The following SPACA6 variants were observed in gnomAD, a reference collection of about 807,000 sequenced individuals.
SPACA6 encodes the protein sperm acrosome associated 6.
For synonymous variants in SPACA6, 6 were observed against 1.5 expected (o/e 4.05, Z -2.21); for missense variants, 8 against 2.8 (o/e 2.88, Z -1.34).
In SPACA6 at chr19:51,704,439, C is replaced by T. The variant is rs1279676746; in HGVS notation, c.900C>T (p.Val300=). ...CCAGCAATCTGTTCCTGCTTGCAGT[C>T]CTCGGGGCCCTCGCATCAGCGAGTG... ...LTPSNLFLLA[V]LGALASASAT... The change falls in exon 8 of 9, where the codon GTC becomes GTT. Residue 300 remains valine, a synonymous_variant. Coordinates refer to ENST00000637797, the MANE Select transcript of SPACA6 (RefSeq NM_001316972.2). 2.5e-6 allele frequency: 1 copy of T among 401,274 alleles called. No individual in the cohort carries two copies. 24.9% of individuals were successfully genotyped at this position (401,274 alleles called of 1,614,324 possible).
chr19:51,693,748 G>C lies in SPACA6; in HGVS notation c.214+8G>C. On this transcript the variant is annotated splice_region_variant and intron_variant, in intron 1 of 8. Transcript: ENST00000637797. ...TCTCTGACACCGAAATCAGTGAGGAGACCATCCACACTTCATCAGTGTCCT... is the reference window on the plus strand; with the variant it reads ...TCTCTGACACCGAAATCAGTGAGGACACCATCCACACTTCATCAGTGTCCT... 2.5e-6 allele frequency: 1 copy of C among 407,398 alleles called. No individual in the cohort carries two copies. The highest frequency in any genetic ancestry group is 4.4e-6 in the Non-Finnish European group (1 of 229,822). The allele number at this position is 407,398 out of a possible 1,614,324, so 25.2% of individuals were successfully genotyped here.
chr19:51,685,347 G>A (rs1367216119), upstream of SPACA6: 1 of 152,152 alleles, frequency 6.6e-6, no homozygotes, highest in Non-Finnish European at 1.5e-5. Flanking sequence ...CAAAATACTT[G>A]AGACAGAAAG....
chr19:51,687,081 G>A (rs1829549369), upstream of SPACA6: 1 of 152,066 alleles, frequency 6.6e-6, no homozygotes, highest in Non-Finnish European at 1.5e-5. Flanking sequence ...AGCAAACGTG[G>A]CAAAACCCCA....
chr19:51,698,754 G>A (rs1010829162), intron 2 of SPACA6, among the ~76,000 whole-genome samples: 1 of 152,154 alleles, frequency 6.6e-6, no homozygotes, highest in Admixed American at 6.5e-5. Flanking sequence ...CACAGAGGAC[G>A]CTTTCCCCTG....
At chr19:51,706,472 A>G (rs982645475), downstream of SPACA6, among the ~76,000 whole-genome samples, 2 of 152,088 alleles carry the variant, frequency 1.3e-5, no homozygotes, top group Non-Finnish European at 2.9e-5. Flanking sequence ...TCCCTGGAAC[A>G]TGCAAGTCTC....
upstream of SPACA6, among the ~76,000 whole-genome samples, chr19:51,690,920 CG>C (rs1305523443): frequency 1.4e-5 from 2 of 141,186 alleles, no homozygotes; most frequent in Non-Finnish European, 3.1e-5. Context: ...GGGGTGGGGG[CG>C]GGGGCAGCCT....
downstream of SPACA6, among the ~76,000 whole-genome samples, chr19:51,708,249 G>A (rs1374922522): frequency 1.3e-5 from 2 of 152,074 alleles, no homozygotes; most frequent in South Asian, 2.1e-4. Flanking sequence ...TATGTAAGAC[G>A]CTTCTGTTGC....
upstream of SPACA6, chr19:51,693,165 C>T: frequency 2.1e-6 from 1 of 467,322 alleles, no homozygotes; most frequent in Non-Finnish European, 4.3e-6. Context: ...CGTTTTTGGT[C>T]TTTCTGTCTC....
rs1303146473 is a variant in SPACA6 at position 51,693,505 on chromosome 19, C to G, written c.-22C>G. 1 of 504,022 alleles carries G rather than the reference C, an allele frequency of 2.0e-6. No homozygotes were observed. Among genetic ancestry groups the G allele is most frequent in the Non-Finnish European group, 3.7e-6 (1 of 272,032 alleles). The allele number at this position is 504,022 out of a possible 1,614,324, so 31.2% of individuals were successfully genotyped here. ...ACTTCATAAAGGTTACTAGCTTCTC[C>G]CCTGGCCTTGAGACCCACACGATGG... On this transcript the variant is annotated 5_prime_UTR_variant, in exon 1 of 9. Transcript: ENST00000637797.
chr19:51,698,572 A>G (rs1386310393), intron 2 of SPACA6, among the ~76,000 whole-genome samples: 1 of 152,116 alleles, frequency 6.6e-6, no homozygotes, highest in Non-Finnish European at 1.5e-5. Context: ...TCATCCTGCC[A>G]TCTTGAGACC....
downstream of SPACA6, among the ~76,000 whole-genome samples, chr19:51,706,160 C>A (rs28473660): frequency 5.9e-5 from 9 of 152,218 alleles, no homozygotes; most frequent in East Asian, 1.9e-4. Context: ...TCCCATACCC[C>A]TTTCCTCCTT....
downstream of SPACA6, among the ~76,000 whole-genome samples, chr19:51,707,399 T>C (rs113874043): frequency 0.11 from 17,071 of 152,082 alleles, 1,172 homozygotes; most frequent in Non-Finnish European, 0.16. Flanking sequence ...ATTTTTGTAT[T>C]TTTAGTAGAG....
At chr19:51,707,230 CTTTT>C (rs57130350), downstream of SPACA6, among the ~76,000 whole-genome samples, 3 of 141,198 alleles carry the variant, frequency 2.1e-5, no homozygotes, top group Admixed American at 7.1e-5. Flanking sequence ...CTCTCTCTCC[CTTTT>C]TTTTTTTTTT....
intron 3 of SPACA6, 41 bp from the exon 4 acceptor site, chr19:51,702,588 C>T: frequency 2.5e-6 from 1 of 399,112 alleles, no homozygotes; most frequent in Non-Finnish European, 4.4e-6. Context: ...AAGGGTTCTT[C>T]CCATGACTGT....
upstream of SPACA6, among the ~76,000 whole-genome samples, chr19:51,690,313 C>T (rs573638193): frequency 1.2e-4 from 18 of 152,194 alleles, no homozygotes; most frequent in South Asian, 3.7e-3. Flanking sequence ...CCTTCAAAAC[C>T]CCAGAGTTCA....
chr19:51,684,421 A>C (rs1403094291), upstream of SPACA6, among the ~76,000 whole-genome samples: 2 of 152,072 alleles, frequency 1.3e-5, no homozygotes, highest in Non-Finnish European at 2.9e-5. Flanking sequence ...CCAAAACATC[A>C]CACCCATTTT....
At chr19:51,697,003 A>G (rs1183012761) in intron 2 of SPACA6, among the ~76,000 whole-genome samples, 5 of 152,178 alleles carry the variant, frequency 3.3e-5, no homozygotes, top group Admixed American at 6.5e-5. Context: ...CCCAGCATAC[A>G]TCAGAATCCC....
In SPACA6 at chr19:51,703,205, A is replaced by G. The variant is rs531863692; in HGVS notation, c.464-23A>G. 2.5e-6 allele frequency: 1 copy of G among 399,372 alleles called. No homozygotes were observed. Among genetic ancestry groups the G allele is most frequent in the Admixed American group, 4.4e-5 (1 of 22,732 alleles). 24.7% of individuals were successfully genotyped at this position (399,372 alleles called of 1,614,324 possible). ...GGCCAGACGTGGTCGGGGCCCAGCG[A>G]GTGAACCCTGCTCCGTCTTCAGTTC... On this transcript the variant is annotated intron_variant, in intron 5 of 8. Transcript: ENST00000637797. The surrounding 1 kb of genome is among the most constrained non-coding windows in gnomAD (Gnocchi z 4.2).
At chr19:51,698,317 C>T (rs1483479161) in intron 2 of SPACA6, among the ~76,000 whole-genome samples, 1 of 152,110 alleles carries the variant, frequency 6.6e-6, no homozygotes, top group Non-Finnish European at 1.5e-5. Context: ...CTTTACAACA[C>T]CCACCCATGC....
Sources: allele counts gnomAD v4.1 joint callset (sites outside exome capture counted in the v4.1 genomes callset), GRCh38; gene constraint gnomAD v4.1.1; non-coding constraint Gnocchi (gnomAD v3.1); transcripts MANE v1.5; gene names NCBI Gene and HGNC (gene_info 2026-07-23, HGNC 2026-07-21).